The following DOCK9 variants were observed in gnomAD, a reference collection of about 807,000 sequenced individuals.
DOCK9 encodes the protein dedicator of cytokinesis 9, also known as dedicator of cytokinesis protein 9.
DOCK9 carries 89 observed loss-of-function variants against 263.3 expected under a neutral mutation model. The observed-to-expected ratio is 0.34, with a 90% CI of 0.28 to 0.40. The LOEUF is 0.40. DOCK9 is among the 10% of genes least tolerant of loss of function. DOCK9 has a pLI of 1.00. For synonymous variants in DOCK9, 976 were observed against 973.1 expected (o/e 1.00, Z -0.06); for missense variants, 2,140 against 2,603.4 (o/e 0.82, Z 3.87).
At chr13:98,960,066 G>A (rs536698284) in intron 1 of DOCK9, among the ~76,000 whole-genome samples, 7 of 152,236 alleles carry the variant, frequency 4.6e-5, no homozygotes, top group African/African-American at 1.2e-4. Context: ...CCAGACTGCC[G>A]GTCCCCACTA....
intron 3 of DOCK9, among the ~76,000 whole-genome samples, chr13:98,927,686 T>C (rs2053220662): frequency 6.6e-6 from 1 of 151,938 alleles, no homozygotes. Context: ...AGTGGTGCAA[T>C]CTTGGCTCAC....
At chr13:99,035,479 G>A (rs928590076) in intron 1 of DOCK9, among the ~76,000 whole-genome samples, 22 of 152,306 alleles carry the variant, frequency 1.4e-4, no homozygotes, top group Middle Eastern at 3.4e-3. Flanking sequence ...CTAATGGGAC[G>A]TGTTAAGTGA....
upstream of DOCK9, among the ~76,000 whole-genome samples, chr13:99,087,190 G>C (rs1249442304): frequency 6.6e-6 from 1 of 152,134 alleles, no homozygotes; most frequent in Non-Finnish European, 1.5e-5. Context: ...GGGGCGCCGC[G>C]CGCTCGTGTG....
At chr13:98,913,682 C>T (rs186502383) in intron 9 of DOCK9, among the ~76,000 whole-genome samples, 18 of 152,188 alleles carry the variant, frequency 1.2e-4, no homozygotes, top group African/African-American at 4.3e-4. Flanking sequence ...GGAATAAGGA[C>T]AGTGTTTAAA....
chr13:98,867,259 A>G (rs138879710), intron 30 of DOCK9, among the ~76,000 whole-genome samples, 166 bp downstream of exon 30: 29 of 152,360 alleles, frequency 1.9e-4, no homozygotes, highest in African/African-American at 7.0e-4. Context: ...GTAAGTTCCC[A>G]TATTTTACCA....
chr13:98,826,369 C>T (rs1444181013), intron 44 of DOCK9, among the ~76,000 whole-genome samples: 2 of 152,288 alleles, frequency 1.3e-5, no homozygotes, highest in African/African-American at 2.4e-5. Flanking sequence ...CGTCACTCCT[C>T]GCCCCCTCTC....
chr13:98,977,929 T>G lies in DOCK9; in HGVS notation c.-20A>C, dbSNP rs1287892081. ...CTGCATTCTCGGCTGAAAACGCAAG[T>G]CAGAAAGTCTGCAACTGGAACAGCT... On this transcript the variant is annotated 5_prime_UTR_variant, in exon 1 of 53. It removes the in-frame stop codon of an upstream open reading frame in the 5' UTR. Transcript: ENST00000682017. 1 of 1,564,834 alleles carries G rather than the reference T, an allele frequency of 6.4e-7. No homozygotes were observed. Among genetic ancestry groups the G allele is most frequent in the South Asian group, 1.2e-5 (1 of 84,262 alleles).
chr13:98,848,632 G>GTCTT lies in DOCK9; in HGVS notation c.4020_4021insAAGA (p.Leu1341LysfsTer26). The GTCTT allele has an allele frequency of 6.2e-7, 1 of 1,612,436 alleles. No homozygotes were observed. The highest frequency in any genetic ancestry group is 8.5e-7 in the Non-Finnish European group (1 of 1,179,398). ...TTCCCCATGTACTGGAACTGGTGCAGGCAGACTCTGCAGGCAAGATGAAAA... is the reference window on the plus strand; with the variant it reads ...TTCCCCATGTACTGGAACTGGTGCAGTCTTGCAGACTCTGCAGGCAAGATGAAAA... On this transcript the variant is annotated frameshift_variant, in exon 37 of 53. Coordinates refer to ENST00000682017, the MANE Select transcript of DOCK9 (RefSeq NM_001366683.2). LOFTEE classifies it high-confidence loss of function.
At chr13:98,970,265 C>G (rs1263506669) in intron 1 of DOCK9, among the ~76,000 whole-genome samples, 1 of 152,134 alleles carries the variant, frequency 6.6e-6, no homozygotes, top group East Asian at 1.9e-4. Context: ...CACAAAGTAC[C>G]GGGATGACAG....
intron 45 of DOCK9, among the ~76,000 whole-genome samples, chr13:98,814,450 G>C: frequency 7.0e-6 from 1 of 143,644 alleles, no homozygotes; most frequent in East Asian, 2.1e-4. Flanking sequence ...CTGTCGCCCA[G>C]ACTGGAGTGC....
chr13:99,010,000 TAA>T (rs35908012), intron 1 of DOCK9, among the ~76,000 whole-genome samples: 13,250 of 134,310 alleles, frequency 0.099, 694 homozygotes, highest in African/African-American at 0.17. Flanking sequence ...GGCCATAAGG[TAA>T]AAAAAAAAAA....
chr13:99,042,913 C>T (rs1389113420), intron 1 of DOCK9, among the ~76,000 whole-genome samples: 2 of 152,156 alleles, frequency 1.3e-5, no homozygotes, highest in Non-Finnish European at 2.9e-5. Flanking sequence ...CTTCACAGAC[C>T]CACTGAAATC....
chr13:98,953,246 T>C (rs2057655018), intron 2 of DOCK9, among the ~76,000 whole-genome samples: 1 of 152,176 alleles, frequency 6.6e-6, no homozygotes, highest in African/African-American at 2.4e-5. Context: ...AGCTCCTAAA[T>C]CTCTAGGAAA....
At chr13:99,005,736 A>G (rs1480147854) in intron 1 of DOCK9, among the ~76,000 whole-genome samples, 1 of 152,212 alleles carries the variant, frequency 6.6e-6, no homozygotes, top group Non-Finnish European at 1.5e-5. Context: ...AGGTCAGCTG[A>G]TAATATTTAT....
intron 35 of DOCK9, among the ~76,000 whole-genome samples, chr13:98,850,466 C>T (rs1026494264): frequency 6.6e-6 from 1 of 152,206 alleles, no homozygotes; most frequent in African/African-American, 2.4e-5. Flanking sequence ...GCTCTCTTGT[C>T]TCCTACTACA....
Position 98,915,314 on chromosome 13 carries a change from G to A in DOCK9, c.892+15C>T, listed in dbSNP as rs757613764. On this transcript the variant is annotated intron_variant, in intron 8 of 52. Transcript: ENST00000682017. ...CAGAGTGTGTATGTGCCTGGGGGAA[G>A]CCAAGCCTATCTACCTTCGTGAGAG... is the stretch of plus-strand genomic sequence containing the variant. 277 of 1,610,952 alleles carry A rather than the reference G, an allele frequency of 1.7e-4. 3 individuals are homozygous for A. The South Asian group carries it at 2.3e-3, about 13-fold the overall frequency.
intron 1 of DOCK9, among the ~76,000 whole-genome samples, chr13:98,959,907 G>A (rs918635227): frequency 2.0e-5 from 3 of 152,188 alleles, no homozygotes; most frequent in African/African-American, 7.2e-5. Context: ...GGTGACAGCT[G>A]TTCACTGTTC....
chr13:98,901,955 A>G (rs2048341734), intron 12 of DOCK9, 55 bp from the exon 13 acceptor site: 1 of 1,589,938 alleles, frequency 6.3e-7, no homozygotes, highest in Non-Finnish European at 8.6e-7. Flanking sequence ...CGTTAAACAA[A>G]TCCCATGAAC....
chr13:98,932,257 T>A (rs1227131604), intron 2 of DOCK9, among the ~76,000 whole-genome samples: 1 of 151,994 alleles, frequency 6.6e-6, no homozygotes, highest in Non-Finnish European at 1.5e-5. Context: ...CAGCTGAGTG[T>A]GATGGCGCAT....
Sources: gnomAD v4.1 joint callset for allele counts (sites outside exome capture counted in the v4.1 genomes callset) on GRCh38, gnomAD v4.1.1 for gene constraint, MANE v1.5 for transcripts, NCBI Gene and HGNC (gene_info 2026-07-23, HGNC 2026-07-21) for gene names.